The following SLC30A7 variants were observed in gnomAD, a reference collection of about 807,000 sequenced individuals.
The protein encoded by SLC30A7 is zinc transporter 7.
Under a neutral mutation model 46.0 loss-of-function variants are expected in SLC30A7, and 35 were observed. The ratio of observed to expected loss-of-function variants is 0.76; its 90% CI spans 0.58 to 1.01. The LOEUF (loss-of-function observed/expected upper bound fraction) is 1.01. Ranked by LOEUF, SLC30A7 falls within the 50% of genes least tolerant of loss-of-function variation. The pLI is 0.00. For missense variants in SLC30A7, 464 were observed against 451.1 expected, an observed-to-expected ratio of 1.03 and a Z score of -0.26; for synonymous variants, 147 against 157.8, an observed-to-expected ratio of 0.93 and a Z score of 0.51.
At chr1:100,960,947 GT>G (rs11354218) in intron 8 of SLC30A7, among the ~76,000 whole-genome samples, 47,339 of 86,512 alleles carry the variant, frequency 0.55, 11,798 homozygotes, top group Middle Eastern at 0.69. Flanking sequence ...TGTTTTGTGT[GT>G]TTTTTTTTTT....
In SLC30A7 at chr1:100,965,826, T is replaced by TC; in HGVS notation, c.992dup (p.Asp332Ter). ...GGAACAGCACTTCTGGACTTTATGT[T>TC]CTGACGTTTATGTTGGGACCTTGAA... On this transcript the variant is annotated frameshift_variant, in exon 10 of 11. Transcript: ENST00000357650. LOFTEE classifies it high-confidence loss of function. 1 of 1,613,960 alleles carries TC rather than the reference T, an allele frequency of 6.2e-7. No individual in the cohort carries two copies. The highest frequency in any genetic ancestry group is 1.7e-5 in the Admixed American group (1 of 60,020).
intron 3 of SLC30A7, 149 bp from the exon 4 acceptor site, chr1:100,910,914 A>T (rs1652044358): frequency 3.9e-6 from 2 of 508,296 alleles, no homozygotes; most frequent in African/African-American, 3.9e-5. Flanking sequence ...TATATATAAA[A>T]TAAAATGCAC....
intron 10 of SLC30A7, among the ~76,000 whole-genome samples, chr1:100,969,248 C>G (rs1485863245): frequency 6.6e-6 from 1 of 152,168 alleles, no homozygotes; most frequent in Non-Finnish European, 1.5e-5. Flanking sequence ...ATCCTTCTTA[C>G]ACCTTCTACA....
At position 100,896,128 on chromosome 1, in the gene SLC30A7, C is replaced by A. The variant is rs1043030440; in HGVS notation, c.-135C>A. 11 of 738,792 alleles carry A rather than the reference C, an allele frequency of 1.5e-5. No homozygotes were observed. The highest frequency in any genetic ancestry group is 2.4e-5 in the Non-Finnish European group (10 of 419,446). 45.8% of individuals were successfully genotyped at this position (738,792 alleles called of 1,614,324 possible). On this transcript the variant is annotated 5_prime_UTR_variant, in exon 1 of 11. In the 5' UTR this introduces an upstream ATG that the reference lacks. Transcript: ENST00000357650. ...TTCCCGGGTGTGTGTCTGTGTCTGT[C>A]TGTGTCTCGCAGCGGCGCGCGGCCC...
intron 8 of SLC30A7, among the ~76,000 whole-genome samples, chr1:100,932,391 C>A (rs750315010): frequency 6.6e-6 from 1 of 151,786 alleles, no homozygotes. Flanking sequence ...CTTCAGCCTG[C>A]GTGACAGAGC....
At chr1:100,990,547 A>C in the SLC30A7 span, 1 of 1,613,868 alleles carries the variant, frequency 6.2e-7, no homozygotes, top group Non-Finnish European at 8.5e-7. Flanking sequence ...CACAGTGCAC[A>C]TTTGCCTTAA....
At chr1:100,992,691 C>T in the SLC30A7 span, 2 of 1,613,974 alleles carry the variant, frequency 1.2e-6, no homozygotes, top group Non-Finnish European at 1.7e-6. Flanking sequence ...AGCTGCTGGG[C>T]TGCTTGGTTT....
intron 6 of SLC30A7, among the ~76,000 whole-genome samples, chr1:100,916,233 C>G (rs1652535925): frequency 6.6e-6 from 1 of 151,942 alleles, no homozygotes; most frequent in Non-Finnish European, 1.5e-5. Flanking sequence ...GTCACCCAGG[C>G]TGGAGTTCAG....
intron 8 of SLC30A7, among the ~76,000 whole-genome samples, chr1:100,928,344 C>T (rs991514992): frequency 6.6e-6 from 1 of 152,124 alleles, no homozygotes; most frequent in Non-Finnish European, 1.5e-5. Context: ...CTTAATAGTG[C>T]TCTAGGGAAG....
At chr1:100,950,264 T>C (rs1463213746) in intron 8 of SLC30A7, among the ~76,000 whole-genome samples, 1 of 152,252 alleles carries the variant, frequency 6.6e-6, no homozygotes, top group Non-Finnish European at 1.5e-5. Context: ...AGCAACTAAA[T>C]ATTTTAATAT....
downstream of SLC30A7, among the ~76,000 whole-genome samples, chr1:100,982,637 G>A (rs759063765): frequency 3.9e-5 from 6 of 151,982 alleles, no homozygotes; most frequent in Non-Finnish European, 8.8e-5. Flanking sequence ...CCTATTCCAG[G>A]ATTTCACTGA....
At chr1:100,992,634 T>C in the SLC30A7 span, 1 of 1,612,116 alleles carries the variant, frequency 6.2e-7, no homozygotes, top group South Asian at 1.1e-5. Context: ...GTGTCTTGAG[T>C]ACCTGGTTCT....
rs191906361 is a variant in SLC30A7, at chr1:100,978,360, T to C, written c.*3503T>C. 3.9e-5 allele frequency: 6 copies of C among 152,346 alleles called. No individual in the cohort carries two copies. The East Asian group carries it at 7.7e-4, about 20-fold the overall frequency. The allele number at this position is 152,346 out of a possible 1,614,324, so 9.4% of individuals were successfully genotyped here. ...CTATAATGTTTTTACCTACCTATTA[T>C]GGAATAATCAGTTTTTACAGAGATT... On this transcript the variant is annotated 3_prime_UTR_variant, in exon 11 of 11. Transcript: ENST00000357650.
At position 100,975,602 on chromosome 1, in the gene SLC30A7, A is replaced by G. The variant is rs1332366204; in HGVS notation, c.*745A>G. ...GAGTGCAGTGGCATAATCTCAGCTCACTGCAACCTCTGCTTCCCGGGTTCA... is the reference window on the plus strand; with the variant it reads ...GAGTGCAGTGGCATAATCTCAGCTCGCTGCAACCTCTGCTTCCCGGGTTCA... On this transcript the variant is annotated 3_prime_UTR_variant, in exon 11 of 11. Transcript: ENST00000357650. 1 of 152,386 alleles carries G rather than the reference A, an allele frequency of 6.6e-6. No homozygotes were observed. Among genetic ancestry groups the G allele is most frequent in the Non-Finnish European group, 1.5e-5 (1 of 68,074 alleles). The allele number at this position is 152,386 out of a possible 1,614,324, so 9.4% of individuals were successfully genotyped here.
Position 100,969,560 on chromosome 1 carries a change from C to T in SLC30A7, c.1083+3642C>T, listed in dbSNP as rs1007865840. Among the ~76,000 whole-genome samples the T allele has an allele frequency of 3.3e-5, 5 of 152,252 alleles. No homozygotes were observed. The East Asian group carries it at 5.8e-4, about 18-fold the overall frequency. ...TCAAGTAAGTGGAAGGAGGTTCTTC[C>T]GGTAACTTTAGAAATTTTGGCTTTT... On this transcript the variant is annotated intron_variant, in intron 10 of 10. Transcript: ENST00000357650.
At chr1:100,941,648 A>G (rs1349040333) in intron 8 of SLC30A7, 1 of 607,588 alleles carries the variant, frequency 1.6e-6, no homozygotes, top group African/African-American at 1.8e-5. Context: ...TATCTTTTTC[A>G]CAGTTAAGTG....
At chr1:100,944,478 T>A (rs1247209521) in intron 8 of SLC30A7, among the ~76,000 whole-genome samples, 1 of 152,158 alleles carries the variant, frequency 6.6e-6, no homozygotes, top group Admixed American at 6.6e-5. Flanking sequence ...AATTGGCTCC[T>A]TTTGGTTCTT....
At chr1:100,911,625 A>G (rs753749775) in intron 4 of SLC30A7, among the ~76,000 whole-genome samples, 1 of 152,146 alleles carries the variant, frequency 6.6e-6, no homozygotes, top group Non-Finnish European at 1.5e-5. Context: ...ATCTCGGCTT[A>G]CTGCAACTTG....
chr1:100,938,429 G>A (rs745654106), intron 8 of SLC30A7, among the ~76,000 whole-genome samples: 16 of 152,050 alleles, frequency 1.1e-4, no homozygotes, highest in South Asian at 2.1e-4. Flanking sequence ...ATCACACTTC[G>A]TTAAACTTAC....
Sources: gnomAD v4.1 joint callset for allele counts (sites outside exome capture counted in the v4.1 genomes callset) on GRCh38, gnomAD v4.1.1 for gene constraint, MANE v1.5 for transcripts, NCBI Gene and HGNC (gene_info 2026-07-23, HGNC 2026-07-21) for gene names.